DOCK4: variants seen among roughly 807,000 people sequenced by gnomAD.
DOCK4 encodes dedicator of cytokinesis protein 4.
DOCK4 carries 97 observed loss-of-function variants against 268.1 expected under a neutral mutation model. The ratio of observed to expected loss-of-function variants is 0.36; its 90% CI spans 0.31 to 0.43. DOCK4 has a LOEUF of 0.43. DOCK4 is among the 20% of genes least tolerant of loss of function. The probability of loss-of-function intolerance (pLI) is 1.00; values close to 1 mark genes in which losing one functional copy is unlikely to be tolerated. For missense variants in DOCK4, 2,145 were observed against 2,455.7 expected, an observed-to-expected ratio of 0.87 and a Z score of 2.67; for synonymous variants, 954 against 887.2, an observed-to-expected ratio of 1.08 and a Z score of -1.34.
chr7:111,817,638 A>T (rs1233533062), intron 27 of DOCK4, among the ~76,000 whole-genome samples: 1 of 152,230 alleles, frequency 6.6e-6, no homozygotes, highest in Admixed American at 6.5e-5. Context: ...GCAACCTTGC[A>T]TGCAATCCTA....
At chr7:111,785,021 T>A (rs1298186052) in intron 32 of DOCK4, among the ~76,000 whole-genome samples, 1 of 152,206 alleles carries the variant, frequency 6.6e-6, no homozygotes, top group Non-Finnish European at 1.5e-5. Flanking sequence ...TCTGTGGCTA[T>A]GTTCTCTCCC....
At chr7:111,745,421 G>A (rs371299032) in intron 44 of DOCK4, among the ~76,000 whole-genome samples, 7 of 152,186 alleles carry the variant, frequency 4.6e-5, no homozygotes, top group African/African-American at 1.4e-4. Context: ...GGTGGCTCAC[G>A]CCTGTAATCC....
intron 17 of DOCK4, among the ~76,000 whole-genome samples, chr7:111,875,047 T>G (rs1806741981): frequency 1.3e-5 from 2 of 152,224 alleles, no homozygotes; most frequent in African/African-American, 2.4e-5. Context: ...GTTTAGCATG[T>G]AAATTTCAGA....
intron 36 of DOCK4, among the ~76,000 whole-genome samples, chr7:111,775,541 G>C (rs1290274789): frequency 1.3e-5 from 2 of 152,206 alleles, no homozygotes; most frequent in African/African-American, 4.8e-5. Flanking sequence ...CCATACCACA[G>C]TTAATTCTGT....
chr7:111,817,108 T>C (rs1373127764), intron 27 of DOCK4, among the ~76,000 whole-genome samples: 4 of 152,216 alleles, frequency 2.6e-5, no homozygotes, highest in Non-Finnish European at 5.9e-5. Context: ...AAGCCTTTCC[T>C]TCATGCATTC....
intron 12 of DOCK4, among the ~76,000 whole-genome samples, chr7:111,933,457 G>C (rs1194434340): frequency 6.6e-6 from 1 of 151,346 alleles, no homozygotes; most frequent in Non-Finnish European, 1.5e-5. Context: ...ACCAGGCCCA[G>C]CTAATTTTTT....
intron 27 of DOCK4, among the ~76,000 whole-genome samples, chr7:111,813,604 CTTA>C (rs1294153847): frequency 6.6e-6 from 1 of 152,114 alleles, no homozygotes; most frequent in Non-Finnish European, 1.5e-5. Flanking sequence ...TTCAGTGAAT[CTTA>C]TTATTAAATT....
chr7:111,859,025 C>T (rs987068038), intron 23 of DOCK4, among the ~76,000 whole-genome samples: 2 of 152,018 alleles, frequency 1.3e-5, no homozygotes, highest in Admixed American at 1.3e-4. Context: ...CTCTTTGCTC[C>T]CCCCTTTTTT....
intron 1 of DOCK4, among the ~76,000 whole-genome samples, chr7:112,023,947 A>G (rs1203582138): frequency 1.3e-5 from 2 of 152,240 alleles, no homozygotes; most frequent in Non-Finnish European, 2.9e-5. Flanking sequence ...CGCAGTACAG[A>G]AACATGTCTC....
chr7:111,770,110 C>T (rs1487231806), intron 36 of DOCK4, among the ~76,000 whole-genome samples: 1 of 148,304 alleles, frequency 6.7e-6, no homozygotes, highest in Non-Finnish European at 1.5e-5. Context: ...TAAAAAATGG[C>T]AAATTCTTTG....
intron 1 of DOCK4, among the ~76,000 whole-genome samples, chr7:112,078,221 C>T (rs934344886): frequency 6.6e-6 from 1 of 152,148 alleles, no homozygotes; most frequent in Non-Finnish European, 1.5e-5. Context: ...AATTAGTTTA[C>T]ATCTAAATCT....
chr7:112,070,536 G>A (rs976474822), intron 1 of DOCK4, among the ~76,000 whole-genome samples: 1 of 152,080 alleles, frequency 6.6e-6, no homozygotes, highest in Non-Finnish European at 1.5e-5. Flanking sequence ...AGAACCTGTG[G>A]AATAACAAGC....
chr7:111,883,816 G>C (rs913458877), intron 16 of DOCK4, among the ~76,000 whole-genome samples: 2 of 152,150 alleles, frequency 1.3e-5, no homozygotes. Flanking sequence ...TCTGAGTTAT[G>C]ACATCTTGAT....
At chr7:111,800,390 G>C (rs754290820) in intron 30 of DOCK4, among the ~76,000 whole-genome samples, 1 of 152,074 alleles carries the variant, frequency 6.6e-6, no homozygotes, top group African/African-American at 2.4e-5. Context: ...TATCTCTCCC[G>C]ATCATATTGC....
chr7:112,092,758 G>A (rs1438960459), intron 1 of DOCK4, among the ~76,000 whole-genome samples: 1 of 152,136 alleles, frequency 6.6e-6, no homozygotes, highest in Non-Finnish European at 1.5e-5. Context: ...CAATAGATCA[G>A]AAGGCCATAA....
intron 8 of DOCK4, among the ~76,000 whole-genome samples, chr7:111,974,077 T>G (rs191961460): frequency 1.0e-3 from 157 of 151,734 alleles, no homozygotes; most frequent in African/African-American, 3.5e-3. Context: ...TAGAAGGAAG[T>G]AAAGGGGTCA....
At chr7:112,018,045 C>A (rs527349251) in intron 1 of DOCK4, among the ~76,000 whole-genome samples, 1 of 145,262 alleles carries the variant, frequency 6.9e-6, no homozygotes, top group Non-Finnish European at 1.5e-5. Flanking sequence ...AAAAATTAGC[C>A]GGGCATGGTG....
intron 10 of DOCK4, among the ~76,000 whole-genome samples, chr7:111,944,464 G>A (rs1337936968): frequency 6.6e-6 from 1 of 152,136 alleles, no homozygotes; most frequent in East Asian, 1.9e-4. Flanking sequence ...AGGAAACTCA[G>A]CTCTGAAAAA....
chr7:111,962,920 G>A (rs180745088), intron 8 of DOCK4, among the ~76,000 whole-genome samples: 262 of 152,214 alleles, frequency 1.7e-3, no homozygotes, highest in African/African-American at 5.8e-3. Context: ...GTACTACCCT[G>A]GTGCTATTTT....
Sources: gnomAD v4.1 joint callset for allele counts (sites outside exome capture counted in the v4.1 genomes callset) on GRCh38, gnomAD v4.1.1 for gene constraint, MANE v1.5 for transcripts, NCBI Gene and HGNC (gene_info 2026-07-23, HGNC 2026-07-21) for gene names.